Variants in SLC9A2 observed in about 807,000 individuals in gnomAD.
SLC9A2 encodes the protein solute carrier family 9 member A2.
In SLC9A2, 42 loss-of-function variants were observed where a neutral mutation model predicts 71.7. That is an observed-to-expected ratio of 0.59 (90% CI 0.46 to 0.76). The LOEUF (loss-of-function observed/expected upper bound fraction) is 0.76. Among genes scored for constraint, SLC9A2 ranks in the 30% least tolerant of loss-of-function variants. SLC9A2 has a pLI of 0.00. For synonymous variants in SLC9A2, 396 were observed against 392.5 expected, an observed-to-expected ratio of 1.01 and a Z score of -0.10; for missense variants, 829 against 1,017.4, an observed-to-expected ratio of 0.81 and a Z score of 2.52.
chr2:102,691,884 T>C (rs974389088), intron 5 of SLC9A2, among the ~76,000 whole-genome samples: 1 of 152,140 alleles, frequency 6.6e-6, no homozygotes, highest in Non-Finnish European at 1.5e-5. Context: ...TTATGTCCTG[T>C]ATTTACAAAG....
chr2:102,661,686 A>G (rs1224585522), intron 2 of SLC9A2, among the ~76,000 whole-genome samples: 1 of 152,210 alleles, frequency 6.6e-6, no homozygotes, highest in East Asian at 1.9e-4. Flanking sequence ...AATATCATTA[A>G]GCAGTATAGC....
intron 5 of SLC9A2, among the ~76,000 whole-genome samples, chr2:102,687,322 A>G (rs750352323): frequency 1.6e-4 from 25 of 152,164 alleles, no homozygotes; most frequent in Admixed American, 5.9e-4. Flanking sequence ...ACCCACACAC[A>G]CAAATACACA....
chr2:102,650,754 A>G (rs947980876), intron 1 of SLC9A2, among the ~76,000 whole-genome samples: 17 of 152,104 alleles, frequency 1.1e-4, no homozygotes, highest in African/African-American at 4.1e-4. Flanking sequence ...CATCCCTGAG[A>G]TACATTATGG....
chr2:102,663,832 C>G (rs1677088566), intron 2 of SLC9A2, among the ~76,000 whole-genome samples: 1 of 152,200 alleles, frequency 6.6e-6, no homozygotes, highest in African/African-American at 2.4e-5. Context: ...TGACTTGCTT[C>G]TCTTGTGAAA....
intron 6 of SLC9A2, 66 bp downstream of exon 6, chr2:102,694,569 T>G: frequency 1.4e-6 from 1 of 737,454 alleles, no homozygotes; most frequent in Middle Eastern, 2.5e-4. Flanking sequence ...GTCAAACAGC[T>G]TGGTACCACG....
At position 102,657,905 on chromosome 2, in the gene SLC9A2, G is replaced by A. The variant is rs1227833370; in HGVS notation, c.631G>A (p.Gly211Ser). ...CACTTTGCTCCAGAACCTGCTCTTT[G>A]GCAGCTTAATCTCAGCTGTCGATCC... ...DITLLQNLLF[G>S]SLISAVDPVA... Residue 211 changes from glycine to serine, a missense_variant, in exon 2 of 12, where the codon GGC (glycine) becomes AGC (serine). This residue lies in a region of SLC9A2 where 500 missense variants were observed against 726.3 expected (regional missense o/e 0.69). Transcript: ENST00000233969. 2 of 1,614,070 alleles carry A rather than the reference G, an allele frequency of 1.2e-6. No homozygotes were observed. Among genetic ancestry groups the A allele is most frequent in the Non-Finnish European group, 1.7e-6 (2 of 1,180,026 alleles).
intron 3 of SLC9A2, among the ~76,000 whole-genome samples, chr2:102,674,057 G>T (rs1677304692): frequency 1.3e-5 from 2 of 152,230 alleles, no homozygotes; most frequent in Admixed American, 1.3e-4. Flanking sequence ...CCAAAGTGCT[G>T]GGATTACAGG....
At chr2:102,655,898 A>G (rs1676930208) in intron 1 of SLC9A2, among the ~76,000 whole-genome samples, 1 of 152,232 alleles carries the variant, frequency 6.6e-6, no homozygotes. Context: ...ATGTGAGAGC[A>G]GAAGAGCAAA....
chr2:102,625,649 CTCA>C (rs1258983035), intron 1 of SLC9A2, among the ~76,000 whole-genome samples: 3 of 152,158 alleles, frequency 2.0e-5, no homozygotes, highest in Non-Finnish European at 4.4e-5. Context: ...AGGACATGAA[CTCA>C]TCATTTTTTA....
At chr2:102,695,828 A>AT (rs1677757660) in intron 7 of SLC9A2, among the ~76,000 whole-genome samples, 2 of 135,378 alleles carry the variant, frequency 1.5e-5, no homozygotes, top group Admixed American at 8.0e-5. Flanking sequence ...TATATATAAA[A>AT]AGCTAAAATT....
At chr2:102,655,670 T>C (rs1332411944) in intron 1 of SLC9A2, among the ~76,000 whole-genome samples, 1 of 152,240 alleles carries the variant, frequency 6.6e-6, no homozygotes, top group East Asian at 1.9e-4. Flanking sequence ...AAACATTGAA[T>C]GTGGTACATG....
chr2:102,662,891 G>A (rs189218304), intron 2 of SLC9A2, among the ~76,000 whole-genome samples: 103 of 152,272 alleles, frequency 6.8e-4, no homozygotes, highest in Middle Eastern at 3.4e-3. Flanking sequence ...GAAGAGATGA[G>A]CCTCCTAGGT....
intron 1 of SLC9A2, among the ~76,000 whole-genome samples, chr2:102,646,530 C>T (rs1052251196): frequency 8.6e-5 from 13 of 151,906 alleles, no homozygotes; most frequent in African/African-American, 2.2e-4. Context: ...GAGCCAAGAC[C>T]CATCAGTGTG....
intron 3 of SLC9A2, among the ~76,000 whole-genome samples, chr2:102,667,739 C>T (rs902527717): frequency 2.0e-5 from 3 of 152,078 alleles, no homozygotes; most frequent in African/African-American, 7.2e-5. Flanking sequence ...TTCTTGACAA[C>T]TTAGTGTAGA....
Position 102,702,461 on chromosome 2 carries a change from C to T in SLC9A2, c.1804C>T (p.Arg602Ter). 6 of 1,602,394 alleles carry T rather than the reference C, an allele frequency of 3.7e-6. No individual in the cohort carries two copies. The highest frequency in any genetic ancestry group is 4.3e-6 in the Non-Finnish European group (5 of 1,174,708). Reference sequence around the variant, plus strand: ...CACGTCCAGTGAAACTGATGAAATTCGAGAACTCTTATCAAGAAATCTCTA... The same window carrying T: ...CACGTCCAGTGAAACTGATGAAATTTGAGAACTCTTATCAAGAAATCTCTA... ...KVTSSETDEI[R>*]ELLSRNLYQI... Residue 602 changes from arginine to a stop codon, truncating the protein, a stop_gained, in exon 9 of 12, where the codon CGA becomes TGA. Transcript: ENST00000233969. LOFTEE classifies it high-confidence loss of function.
At chr2:102,637,037 G>T (rs1362108570) in intron 1 of SLC9A2, among the ~76,000 whole-genome samples, 1 of 152,196 alleles carries the variant, frequency 6.6e-6, no homozygotes, top group East Asian at 1.9e-4. Context: ...AGAAAAAGTG[G>T]AGGGCTTAGA....
At chr2:102,650,361 A>G (rs1186785715) in intron 1 of SLC9A2, among the ~76,000 whole-genome samples, 1 of 152,052 alleles carries the variant, frequency 6.6e-6, no homozygotes, top group Non-Finnish European at 1.5e-5. Flanking sequence ...CATTAGGACA[A>G]ATACCTAATG....
In SLC9A2 at chr2:102,665,151, A is replaced by G. The variant is rs115807121; in HGVS notation, c.805A>G (p.Ile269Val). 482 of 1,613,826 alleles carry G rather than the reference A, an allele frequency of 3.0e-4. 1 individual carries two copies. The African/African-American group carries it at 5.9e-3, about 20-fold the overall frequency. Residue 269 changes from isoleucine (I) to valine (V), a missense_variant, in exon 3 of 12, where the codon ATT becomes GTT. This residue lies in a region of SLC9A2 where 500 missense variants were observed against 726.3 expected (regional missense o/e 0.69). Coordinates refer to ENST00000233969, the MANE Select transcript of SLC9A2 (RefSeq NM_003048.6). ...SFCQMKTIETIDVFAGIANFF... is the reference protein window; with the variant it reads ...SFCQMKTIETVDVFAGIANFF... ...TTGCCAGATGAAAACCATTGAGACC[A>G]TTGATGTGTTTGCAGGAATCGCCAA...
At chr2:102,670,094 C>A (rs373666345) in intron 3 of SLC9A2, among the ~76,000 whole-genome samples, 1 of 151,358 alleles carries the variant, frequency 6.6e-6, no homozygotes, top group Admixed American at 6.6e-5. Context: ...TGCAGTGGCG[C>A]GATCTCTGCT....
Sources: allele counts gnomAD v4.1 joint callset (sites outside exome capture counted in the v4.1 genomes callset), GRCh38; gene constraint gnomAD v4.1.1; regional missense constraint gnomAD v4.1.1; transcripts MANE v1.5; gene names NCBI Gene and HGNC (gene_info 2026-07-23, HGNC 2026-07-21).